The following PPFIA2 variants were observed in gnomAD, a reference collection of about 807,000 sequenced individuals.
PPFIA2 encodes PPFI scaffold protein A2, also known as liprin-alpha-2.
A neutral mutation model predicts 175.5 loss-of-function variants in PPFIA2; 46 were observed. The observed-to-expected ratio is 0.26, with a 90% CI of 0.21 to 0.34. The LOEUF is 0.34. Among genes scored for constraint, PPFIA2 ranks in the 10% least tolerant of loss-of-function variants. PPFIA2 has a pLI of 1.00. For missense variants in PPFIA2, 1,179 were observed against 1,506.1 expected, an observed-to-expected ratio of 0.78 and a Z score of 3.60; for synonymous variants, 568 against 511.4, an observed-to-expected ratio of 1.11 and a Z score of -1.49.
chr12:81,440,361 T>C (rs1012292438), intron 6 of PPFIA2, among the ~76,000 whole-genome samples: 6 of 152,052 alleles, frequency 3.9e-5, no homozygotes, highest in African/African-American at 1.4e-4. Context: ...AGTTTAAAAG[T>C]ATATTATGAA....
intron 3 of PPFIA2, among the ~76,000 whole-genome samples, chr12:81,717,690 GA>G (rs1468196674): frequency 6.6e-6 from 1 of 151,602 alleles, no homozygotes; most frequent in Non-Finnish European, 1.5e-5. Flanking sequence ...TGGGTGCTAG[GA>G]AAACAATAGT....
At chr12:81,544,651 A>G (rs550390751) in intron 4 of PPFIA2, among the ~76,000 whole-genome samples, 1 of 152,304 alleles carries the variant, frequency 6.6e-6, no homozygotes, top group Admixed American at 6.5e-5. Flanking sequence ...TTCCACAGAG[A>G]ACTGCATGCT....
At chr12:81,469,706 A>G (rs2056396693) in intron 4 of PPFIA2, among the ~76,000 whole-genome samples, 1 of 152,246 alleles carries the variant, frequency 6.6e-6, no homozygotes, top group Non-Finnish European at 1.5e-5. Flanking sequence ...ATACAACACA[A>G]GTTAAAATAG....
At chr12:81,607,384 T>C (rs1426985924) in intron 4 of PPFIA2, among the ~76,000 whole-genome samples, 2 of 152,124 alleles carry the variant, frequency 1.3e-5, no homozygotes, top group Non-Finnish European at 2.9e-5. Flanking sequence ...TGTAAATTGC[T>C]TCAGGTGTAT....
chr12:81,654,275 AT>A (rs1179311422), intron 4 of PPFIA2, among the ~76,000 whole-genome samples: 3 of 151,974 alleles, frequency 2.0e-5, no homozygotes, highest in African/African-American at 7.2e-5. Flanking sequence ...TTTTATACTG[AT>A]TTTTTTTCTT....
At position 81,353,169 on chromosome 12, in the gene PPFIA2, C is replaced by T. The variant is rs764051148; in HGVS notation, c.1944G>A (p.Thr648=). ...ATTGTTCCTGAAGCATCATGGCTAGCGTCTGGGCATCGGAATGACCACTTG... is the reference window on the plus strand; with the variant it reads ...ATTGTTCCTGAAGCATCATGGCTAGTGTCTGGGCATCGGAATGACCACTTG... ...LSPSGHSDAQ[T]LAMMLQEQLD... is the part of the protein sequence containing the mutation. The change falls in exon 17 of 33, where the codon ACG becomes ACA. Residue 648 remains threonine (T), a synonymous_variant. Coordinates refer to ENST00000549396, the MANE Select transcript of PPFIA2 (RefSeq NM_003625.5). The T allele has an allele frequency of 8.1e-6, 13 of 1,613,664 alleles. No homozygotes were observed. Among genetic ancestry groups the T allele is most frequent in the South Asian group, 3.3e-5 (3 of 91,084 alleles).
At chr12:81,409,501 A>C (rs1258569816) in intron 7 of PPFIA2, among the ~76,000 whole-genome samples, 3 of 152,086 alleles carry the variant, frequency 2.0e-5, no homozygotes, top group African/African-American at 7.2e-5. Context: ...TTTGCCCCTC[A>C]TCCTCTCTCT....
At chr12:81,653,460 T>A (rs2067307726) in intron 4 of PPFIA2, among the ~76,000 whole-genome samples, 2 of 152,026 alleles carry the variant, frequency 1.3e-5, no homozygotes, top group African/African-American at 4.8e-5. Context: ...TTCTAAAAGC[T>A]CCAAAAGAGG....
At chr12:81,497,114 G>C (rs996339577) in intron 4 of PPFIA2, among the ~76,000 whole-genome samples, 1 of 152,126 alleles carries the variant, frequency 6.6e-6, no homozygotes, top group Non-Finnish European at 1.5e-5. Context: ...GGTTCTTCAT[G>C]CATATGAGCT....
intron 8 of PPFIA2, among the ~76,000 whole-genome samples, chr12:81,396,894 A>C (rs1054457455): frequency 6.6e-6 from 1 of 152,018 alleles, no homozygotes; most frequent in Admixed American, 6.6e-5. Flanking sequence ...TTGAAGGTAG[A>C]GTAAATCAAA....
chr12:81,475,110 C>T (rs2057311329), intron 4 of PPFIA2, among the ~76,000 whole-genome samples: 1 of 152,156 alleles, frequency 6.6e-6, no homozygotes, highest in Non-Finnish European at 1.5e-5. Flanking sequence ...TAAGACAGAA[C>T]ACTAGAAGCT....
chr12:81,516,916 A>G (rs1457007491), intron 4 of PPFIA2, among the ~76,000 whole-genome samples: 1 of 152,198 alleles, frequency 6.6e-6, no homozygotes, highest in Non-Finnish European at 1.5e-5. Flanking sequence ...ATAACTTGTC[A>G]TATCACTTAG....
At chr12:81,606,119 C>T (rs1330786314) in intron 4 of PPFIA2, among the ~76,000 whole-genome samples, 3 of 151,938 alleles carry the variant, frequency 2.0e-5, no homozygotes, top group Non-Finnish European at 2.9e-5. Flanking sequence ...TGGCCTCCAG[C>T]TCCATCTATG....
intron 8 of PPFIA2, among the ~76,000 whole-genome samples, chr12:81,396,893 G>A (rs1474787672): frequency 6.6e-6 from 1 of 151,976 alleles, no homozygotes; most frequent in African/African-American, 2.4e-5. Context: ...TTTGAAGGTA[G>A]AGTAAATCAA....
chr12:81,558,113 A>T (rs2153384186), intron 4 of PPFIA2, among the ~76,000 whole-genome samples: 1 of 152,292 alleles, frequency 6.6e-6, no homozygotes, highest in Non-Finnish European at 1.5e-5. Flanking sequence ...ATAAGAATCT[A>T]TCAAGTTTAT....
At chr12:81,415,211 ATATATATATAT>A (rs1360605648) in intron 7 of PPFIA2, among the ~76,000 whole-genome samples, 1 of 8,826 alleles carries the variant, frequency 1.1e-4, no homozygotes, top group Non-Finnish European at 2.3e-4. Flanking sequence ...AAAAAAAAAA[ATATATATATAT>A]ATATATATAT....
intron 3 of PPFIA2, among the ~76,000 whole-genome samples, chr12:81,743,498 TG>T (rs376924136): frequency 1.9e-5 from 2 of 105,566 alleles, no homozygotes; most frequent in East Asian, 3.0e-4. Flanking sequence ...GGTAGAGTGG[TG>T]GGGGGGTGTT....
intron 4 of PPFIA2, among the ~76,000 whole-genome samples, chr12:81,670,446 A>G (rs1248970738): frequency 6.6e-6 from 1 of 151,880 alleles, no homozygotes; most frequent in East Asian, 1.9e-4. Flanking sequence ...CTATGACCAC[A>G]ATCTGGAATT....
intron 30 of PPFIA2, among the ~76,000 whole-genome samples, chr12:81,265,561 C>G (rs1306781556): frequency 6.6e-6 from 1 of 152,000 alleles, no homozygotes; most frequent in Non-Finnish European, 1.5e-5. Context: ...CACTACTGTT[C>G]TAAGTAAGTT....
Sources: allele counts gnomAD v4.1 joint callset (sites outside exome capture counted in the v4.1 genomes callset), GRCh38; gene constraint gnomAD v4.1.1; transcripts MANE v1.5; gene names NCBI Gene and HGNC (gene_info 2026-07-23, HGNC 2026-07-21).